TRABD2B: variants seen among roughly 807,000 people sequenced by gnomAD.
TRABD2B encodes metalloprotease TIKI2.
In TRABD2B, 14 loss-of-function variants were observed where a neutral mutation model predicts 40.1. That is an observed-to-expected ratio of 0.35 (90% CI 0.23 to 0.55). The LOEUF (loss-of-function observed/expected upper bound fraction) is 0.55. TRABD2B is among the 20% of genes least tolerant of loss of function. The pLI is 0.90. For synonymous variants in TRABD2B, 263 were observed against 277.0 expected, an observed-to-expected ratio of 0.95 and a Z score of 0.50; for missense variants, 541 against 648.6, an observed-to-expected ratio of 0.83 and a Z score of 1.80.
At chr1:47,818,619 T>A (rs1317335653) in intron 2 of TRABD2B, 2 of 152,226 alleles carry the variant, frequency 1.3e-5, no homozygotes, top group Non-Finnish European at 2.9e-5. Flanking sequence ...CAGCCAGTCA[T>A]TAATTCCAGG....
rs79561883 is a variant in TRABD2B, at chr1:47,884,042, C to A, written c.667-82423G>T. ...GTGGCCAGGTACATGGAAATAAATT[C>A]TAAAAGCACTGGATCAGCATTTGTG... On this transcript the variant is annotated intron_variant, in intron 2 of 6. Coordinates refer to ENST00000606738, the MANE Select transcript of TRABD2B (RefSeq NM_001194986.2). Among the ~76,000 whole-genome samples, 796 of 152,286 alleles carry A rather than the reference C, an allele frequency of 5.2e-3. 3 individuals carry two copies. Among genetic ancestry groups the A allele is most frequent in the Non-Finnish European group, 7.9e-3 (534 of 68,022 alleles).
chr1:47,967,248 G>C (rs1042636652), intron 2 of TRABD2B, among the ~76,000 whole-genome samples: 1 of 151,924 alleles, frequency 6.6e-6, no homozygotes. Context: ...ATTAGATCCT[G>C]GTGCTTAGAG....
chr1:47,942,256 A>G (rs1280402036), intron 2 of TRABD2B, among the ~76,000 whole-genome samples: 1 of 152,150 alleles, frequency 6.6e-6, no homozygotes. Context: ...CCTATGGGTG[A>G]GCAAAAGCCT....
Position 47,813,585 on chromosome 1 carries a change from C to A in TRABD2B, c.667-11966G>T, listed in dbSNP as rs796896347. Among the ~76,000 whole-genome samples, 1 of 152,140 alleles carries A rather than the reference C, an allele frequency of 6.6e-6. No homozygotes were observed. Among genetic ancestry groups the A allele is most frequent in the Admixed American group, 6.5e-5 (1 of 15,274 alleles). On this transcript the variant is annotated intron_variant, in intron 2 of 6. Coordinates refer to ENST00000606738, the MANE Select transcript of TRABD2B (RefSeq NM_001194986.2). The surrounding 1 kb of genome is among the most constrained non-coding windows in gnomAD (Gnocchi z 4.3). ...GCAGACTCTTCTCTTCTCTTTGCTG[C>A]GTCTCAGCTTACCCATCTGCCAAGT...
chr1:47,916,123 C>A (rs575772101), intron 2 of TRABD2B, among the ~76,000 whole-genome samples: 1 of 149,830 alleles, frequency 6.7e-6, no homozygotes, highest in African/African-American at 2.5e-5. Flanking sequence ...AATGGCTGCT[C>A]GCCTGCTCCT....
chr1:47,777,648 C>T (rs371955497), intron 5 of TRABD2B, among the ~76,000 whole-genome samples: 6 of 152,160 alleles, frequency 3.9e-5, no homozygotes, highest in Non-Finnish European at 5.9e-5. Context: ...GAGCCTGGTA[C>T]GGAGAGAGCA....
intron 6 of TRABD2B, among the ~76,000 whole-genome samples, chr1:47,770,901 G>A (rs1644369589): frequency 6.6e-6 from 1 of 152,226 alleles, no homozygotes; most frequent in African/African-American, 2.4e-5. Context: ...GTTACCGAGT[G>A]TTACTGGTGG....
At chr1:47,897,091 A>T (rs1410147030) in intron 2 of TRABD2B, among the ~76,000 whole-genome samples, 1 of 152,212 alleles carries the variant, frequency 6.6e-6, no homozygotes, top group Non-Finnish European at 1.5e-5. Flanking sequence ...ATGTTAGATG[A>T]CAGGAAGTGT....
intron 6 of TRABD2B, among the ~76,000 whole-genome samples, chr1:47,767,691 GC>G (rs1644323195): frequency 6.6e-6 from 1 of 152,230 alleles, no homozygotes; most frequent in African/African-American, 2.4e-5. Context: ...CTTTGGGCTG[GC>G]CAGCCTAGAG....
chr1:47,795,445 C>A (rs1569960195), intron 3 of TRABD2B, among the ~76,000 whole-genome samples: 1 of 152,202 alleles, frequency 6.6e-6, no homozygotes, highest in African/African-American at 2.4e-5. Context: ...CTGGCAAGTA[C>A]AAGGAATTTA....
rs1051923125 is a variant in TRABD2B at position 47,996,975 on chromosome 1, G to T, written c.-186C>A. The T allele has an allele frequency of 4.4e-5, 49 of 1,102,428 alleles. 1 individual carries two copies. In the Middle Eastern group the frequency reaches 2.0e-3, roughly 44 times the overall value. The allele number at this position is 1,102,428 out of a possible 1,614,324, so 68.3% of individuals were successfully genotyped here. ...GGGGGTTTCTCTGGGGCCGGGCTCC[G>T]TCTGTTGGAAGAGGGAGACCCTCTA... On this transcript the variant is annotated 5_prime_UTR_variant, in exon 1 of 7. Transcript: ENST00000606738. This position sits in a 1 kb window ranked among gnomAD's most constrained non-coding sequence, Gnocchi z 4.6.
intron 2 of TRABD2B, among the ~76,000 whole-genome samples, chr1:47,929,243 G>A (rs1310627459): frequency 6.6e-6 from 1 of 152,208 alleles, no homozygotes; most frequent in African/African-American, 2.4e-5. Context: ...CTGCACTTGT[G>A]TGACTTGAAG....
chr1:47,767,577 C>T (rs992008402), intron 6 of TRABD2B, among the ~76,000 whole-genome samples: 10 of 152,200 alleles, frequency 6.6e-5, no homozygotes, highest in African/African-American at 2.2e-4. Flanking sequence ...AGGCACAAAG[C>T]GGTTAAGTGG....
At chr1:47,878,402 G>C (rs1239042775) in intron 2 of TRABD2B, among the ~76,000 whole-genome samples, 1 of 152,200 alleles carries the variant, frequency 6.6e-6, no homozygotes, top group Non-Finnish European at 1.5e-5. Flanking sequence ...AGACAGAAGG[G>C]ATTACACTGT....
At chr1:47,837,903 G>A in intron 2 of TRABD2B, among the ~76,000 whole-genome samples, 1 of 152,176 alleles carries the variant, frequency 6.6e-6, no homozygotes, top group East Asian at 1.9e-4. Flanking sequence ...AGGAAACCGA[G>A]GCACAGATAG....
chr1:47,890,848 ATCT>A lies in TRABD2B; in HGVS notation c.667-89232_667-89230del, dbSNP rs142982369. Among the ~76,000 whole-genome samples the A allele has an allele frequency of 9.1e-3, 1,382 of 152,374 alleles. 9 individuals are homozygous for A. Among genetic ancestry groups the A allele is most frequent in the Non-Finnish European group, 0.015 (997 of 68,040 alleles). The stretch of plus-strand genomic sequence containing the variant: ...CAGCTTCGAAAGAAATCCTCTGTGC[ATCT>A]TCATTACAGCAGGTAGGTTGCTGTA... On this transcript the variant is annotated intron_variant, in intron 2 of 6. Transcript: ENST00000606738.
intron 2 of TRABD2B, among the ~76,000 whole-genome samples, chr1:47,861,121 AT>A (rs1162122140): frequency 6.6e-6 from 1 of 152,198 alleles, no homozygotes; most frequent in African/African-American, 2.4e-5. Context: ...CCAGGACTAC[AT>A]CTGGTCTGGC....
chr1:47,797,379 T>A (rs1050781499), intron 3 of TRABD2B, among the ~76,000 whole-genome samples: 1 of 152,100 alleles, frequency 6.6e-6, no homozygotes, highest in Non-Finnish European at 1.5e-5. Context: ...AGGGTAAGGA[T>A]GAAGATGACA....
At chr1:47,904,152 T>C (rs1006173732) in intron 2 of TRABD2B, among the ~76,000 whole-genome samples, 4 of 152,154 alleles carry the variant, frequency 2.6e-5, no homozygotes, top group African/African-American at 9.7e-5. Context: ...GGGATGATGT[T>C]TGCAGAGGGA....
Sources: allele counts gnomAD v4.1 joint callset (sites outside exome capture counted in the v4.1 genomes callset), GRCh38; gene constraint gnomAD v4.1.1; non-coding constraint Gnocchi (gnomAD v3.1); transcripts MANE v1.5; gene names NCBI Gene and HGNC (gene_info 2026-07-23, HGNC 2026-07-21).